Variants in EQTN observed in about 807,000 individuals in gnomAD.
EQTN encodes the protein equatorin.
Under a neutral mutation model 26.9 loss-of-function variants are expected in EQTN, and 29 were observed. The observed-to-expected ratio is 1.08, with a 90% CI of 0.80 to 1.47. The LOEUF is 1.47. EQTN is among the 40% of genes most tolerant of loss of function. EQTN has a pLI of 0.00. For synonymous variants in EQTN, 129 were observed against 120.0 expected (o/e 1.07, Z -0.49); for missense variants, 391 against 346.1 (o/e 1.13, Z -1.03).
At chr9:27,293,330 G>A (rs894814850) in intron 3 of EQTN, among the ~76,000 whole-genome samples, 1 of 152,182 alleles carries the variant, frequency 6.6e-6, no homozygotes, top group African/African-American at 2.4e-5. Context: ...ATCCTCTGGA[G>A]AAAAGCATCT....
chr9:27,292,440 C>T lies in EQTN; in HGVS notation c.337G>A (p.Glu113Lys). The change falls in exon 4 of 8, where the codon GAA becomes AAA. Residue 113 changes from glutamate to lysine, a missense_variant. By Grantham distance (56) the Glu-to-Lys change is moderately conservative. Coordinates refer to ENST00000380032, the MANE Select transcript of EQTN (RefSeq NM_020641.3). ...TGAGAGGGTTCGCTAGTAGTTGTTTCTTCTTCAATGGTGGATTTTTCATAT... is the reference window on the plus strand; with the variant it reads ...TGAGAGGGTTCGCTAGTAGTTGTTTTTTCTTCAATGGTGGATTTTTCATAT... ...TTYEKSTIEE[E>K]TTTSEPSHKN... The T allele has an allele frequency of 6.2e-7, 1 of 1,608,938 alleles. No homozygotes were observed. The highest frequency in any genetic ancestry group is 8.5e-7 in the Non-Finnish European group (1 of 1,177,380).
At position 27,296,725 on chromosome 9, in the gene EQTN, C is replaced by G; in HGVS notation, c.90G>C (p.Val30=). 1 of 1,606,098 alleles carries G rather than the reference C, an allele frequency of 6.2e-7. No homozygotes were observed. Among genetic ancestry groups the G allele is most frequent in the East Asian group, 2.2e-5 (1 of 44,698 alleles). The part of the protein sequence containing the change: ...LKPTIEALPN[V]LPLNEDVNKQ... Reference sequence around the variant, plus strand: ...TATTAACATCTTCATTTAAAGGTAGCACATTAGGCAATGCTAAAAAAAAGT... The same window carrying G: ...TATTAACATCTTCATTTAAAGGTAGGACATTAGGCAATGCTAAAAAAAAGT... Residue 30 remains valine (V), a synonymous_variant, in exon 2 of 8, where the codon GTG becomes GTC. Coordinates refer to ENST00000380032, the MANE Select transcript of EQTN (RefSeq NM_020641.3).
In EQTN at chr9:27,284,755, T is replaced by G. The variant is rs1483705826; in HGVS notation, c.853A>C (p.Met285Leu). 3 of 1,614,006 alleles carry G rather than the reference T, an allele frequency of 1.9e-6. No individual in the cohort carries two copies. The highest frequency in any genetic ancestry group is 2.2e-5 in the East Asian group (1 of 44,882). The change falls in exon 8 of 8, where the codon ATG becomes CTG. Residue 285 changes from methionine to leucine, a missense_variant. Transcript: ENST00000380032. The part of the protein sequence containing the change: ...DIISIGSDNE[M>L]HENDESVTR ...GTAACCGACTCATCGTTTTCATGCA[T>G]CTCATTATCTGAGCCTATGGAAATG...
chr9:27,292,343 T>A, intron 4 of EQTN, 58 bp downstream of exon 4: 1 of 1,204,948 alleles, frequency 8.3e-7, no homozygotes, highest in Non-Finnish European at 1.2e-6. Flanking sequence ...GAAACTTAAA[T>A]TTTTAAGTCA....
chr9:27,295,588 C>CT (rs1820318139), intron 2 of EQTN, among the ~76,000 whole-genome samples: 1 of 151,988 alleles, frequency 6.6e-6, no homozygotes, highest in African/African-American at 2.4e-5. Context: ...AATCCCAGCA[C>CT]TTTGGGAGGC....
In EQTN at chr9:27,296,963, T is replaced by C. The variant is rs769367159; in HGVS notation, c.76+17A>G. The C allele has an allele frequency of 6.2e-7, 1 of 1,608,168 alleles. No individual in the cohort carries two copies. Among genetic ancestry groups the C allele is most frequent in the Non-Finnish European group, 8.5e-7 (1 of 1,178,454 alleles). Reference sequence around the variant, plus strand: ...TCTTACCTACTATTTTTATAAAAGTTTTAAATGCTCTCTCACCTTCAATAG... The same window carrying C: ...TCTTACCTACTATTTTTATAAAAGTCTTAAATGCTCTCTCACCTTCAATAG... On this transcript the variant is annotated intron_variant, in intron 1 of 7. Coordinates refer to ENST00000380032, the MANE Select transcript of EQTN (RefSeq NM_020641.3).
chr9:27,288,320 T>C (rs1368852429), intron 6 of EQTN, among the ~76,000 whole-genome samples: 1 of 152,196 alleles, frequency 6.6e-6, no homozygotes, highest in African/African-American at 2.4e-5. Flanking sequence ...AGGAAAACTC[T>C]ATCCAGCAAC....
intron 6 of EQTN, among the ~76,000 whole-genome samples, chr9:27,289,195 A>G (rs1408649712): frequency 2.6e-5 from 4 of 152,192 alleles, no homozygotes; most frequent in African/African-American, 4.8e-5. Context: ...CATTCTACAT[A>G]TTATTCACTC....
intron 5 of EQTN, among the ~76,000 whole-genome samples, 174 bp from the exon 6 acceptor site, chr9:27,289,905 T>C (rs1820197108): frequency 6.6e-6 from 1 of 152,230 alleles, no homozygotes; most frequent in African/African-American, 2.4e-5. Flanking sequence ...AATACTGAAC[T>C]GTTGCTCCCA....
Position 27,297,026 on chromosome 9 carries a change from A to G in EQTN, c.30T>C (p.Pro10=). ...TGCTACTTTTTAAGGAAAAAACTCC[A>G]GGTATAAAAATAAACAATATAAAAT... The part of the protein sequence containing the change: MNFILFIFI[P]GVFSLKSSTL... The change falls in exon 1 of 8, where the codon CCT becomes CCC. Residue 10 remains proline (P), a synonymous_variant. Coordinates refer to ENST00000380032, the MANE Select transcript of EQTN (RefSeq NM_020641.3). The G allele has an allele frequency of 6.2e-7, 1 of 1,610,548 alleles. No individual in the cohort carries two copies. The highest frequency in any genetic ancestry group is 2.2e-5 in the East Asian group (1 of 44,838).
chr9:27,290,989 T>C, intron 5 of EQTN, 30 bp downstream of exon 5: 1 of 1,603,612 alleles, frequency 6.2e-7, no homozygotes, highest in Non-Finnish European at 8.5e-7. Flanking sequence ...ACCAAAATGT[T>C]TCCCAAGCTA....
At chr9:27,287,805 T>G in intron 6 of EQTN, among the ~76,000 whole-genome samples, 1 of 152,162 alleles carries the variant, frequency 6.6e-6, no homozygotes, top group East Asian at 1.9e-4. Flanking sequence ...TTCTTTTCTT[T>G]TCTTTTTTTG....
chr9:27,287,681 C>T (rs936141970), intron 6 of EQTN, among the ~76,000 whole-genome samples: 1 of 152,146 alleles, frequency 6.6e-6, no homozygotes, highest in Admixed American at 6.5e-5. Flanking sequence ...ATCAGTCAAG[C>T]TGAATTTAAT....
intron 5 of EQTN, 25 bp downstream of exon 5, chr9:27,290,994 A>G (rs1820223485): frequency 6.2e-7 from 1 of 1,604,788 alleles, no homozygotes. Context: ...AATGTTTCCC[A>G]AGCTACCTAG....
At chr9:27,295,831 C>CAAAAAAAAAAAAAAAA (rs67401588) in intron 2 of EQTN, among the ~76,000 whole-genome samples, 1 of 69,292 alleles carries the variant, frequency 1.4e-5, no homozygotes. Flanking sequence ...GACTCCGTCT[C>CAAAAAAAAAAAAAAAA]AAAAAAAAAA....
intron 6 of EQTN, among the ~76,000 whole-genome samples, chr9:27,287,707 T>C (rs2131304521): frequency 6.6e-6 from 1 of 152,360 alleles, no homozygotes; most frequent in Non-Finnish European, 1.5e-5. Context: ...AAATATTAAA[T>C]AGGAGAAATG....
At chr9:27,286,035 A>C (rs1820112010) in intron 7 of EQTN, among the ~76,000 whole-genome samples, 174 bp downstream of exon 7, 1 of 152,242 alleles carries the variant, frequency 6.6e-6, no homozygotes. Flanking sequence ...TTCAAGTAGG[A>C]TATTCCCTTA....
At chr9:27,295,052 T>A (rs866729836) in intron 2 of EQTN, among the ~76,000 whole-genome samples, 17 of 152,224 alleles carry the variant, frequency 1.1e-4, no homozygotes, top group African/African-American at 3.1e-4. Context: ...CACACGAATG[T>A]ATGTGTATTT....
chr9:27,288,472 A>G (rs965188871), intron 6 of EQTN, among the ~76,000 whole-genome samples: 11 of 152,196 alleles, frequency 7.2e-5, no homozygotes, highest in African/African-American at 2.7e-4. Flanking sequence ...CCCACTGCAC[A>G]TGAACATACT....
Sources: allele counts gnomAD v4.1 joint callset (sites outside exome capture counted in the v4.1 genomes callset), GRCh38; gene constraint gnomAD v4.1.1; transcripts MANE v1.5; gene names NCBI Gene and HGNC (gene_info 2026-07-23, HGNC 2026-07-21).